The following SMNDC1 variants were observed in gnomAD, a reference collection of about 807,000 sequenced individuals.
SMNDC1 encodes the protein survival motor neuron domain containing 1.
SMNDC1 carries 5 observed loss-of-function variants against 29.2 expected under a neutral mutation model. That is an observed-to-expected ratio of 0.17 (90% CI 0.09 to 0.36). The LOEUF (loss-of-function observed/expected upper bound fraction) is 0.36. Among genes scored for constraint, SMNDC1 ranks in the 10% least tolerant of loss-of-function variants. SMNDC1 has a pLI of 1.00. For missense variants in SMNDC1, 142 were observed against 268.5 expected, an observed-to-expected ratio of 0.53 and a Z score of 3.29; for synonymous variants, 80 against 89.9, an observed-to-expected ratio of 0.89 and a Z score of 0.62.
chr10:110,303,265 T>A (rs1310182157), intron 2 of SMNDC1, among the ~76,000 whole-genome samples: 2 of 152,194 alleles, frequency 1.3e-5, no homozygotes, highest in African/African-American at 4.8e-5. Context: ...AAGATTTATA[T>A]AACAAAGAAC....
At position 110,303,556 on chromosome 10, in the gene SMNDC1, C is replaced by T. The variant is rs1424847185; in HGVS notation, c.32G>A (p.Ser11Asn). The change falls in exon 2 of 6, where the codon AGC becomes AAC. Residue 11 changes from serine to asparagine, a missense_variant. Transcript: ENST00000369603. ...AACTTGCTGGAGCTGAGCTTTGTAG[C>T]TTGCCAGCTGCTTTGCTAAATCCTC... MSEDLAKQLA[S>N]YKAQLQQVEA... 1.3e-6 allele frequency: 2 copies of T among 1,583,604 alleles called. No homozygotes were observed. The highest frequency in any genetic ancestry group is 1.7e-6 in the Non-Finnish European group (2 of 1,168,902).
chr10:110,294,512 A>G (rs1010026875), intron 5 of SMNDC1, among the ~76,000 whole-genome samples: 1 of 152,228 alleles, frequency 6.6e-6, no homozygotes, highest in South Asian at 2.1e-4. Context: ...ACTAATACTC[A>G]TAACACTTGC....
Position 110,293,147 on chromosome 10 carries a change from G to A in SMNDC1, c.*1003C>T, listed in dbSNP as rs866945037. Reference sequence around the variant, plus strand: ...CATTAATAGGAAGACCCTTTTCTATGCATGTATTTGGCTTAAACTCAACTC... The same window carrying A: ...CATTAATAGGAAGACCCTTTTCTATACATGTATTTGGCTTAAACTCAACTC... On this transcript the variant is annotated 3_prime_UTR_variant, in exon 6 of 6. Transcript: ENST00000369603. 5 of 152,552 alleles carry A rather than the reference G, an allele frequency of 3.3e-5. No individual in the cohort carries two copies. Among genetic ancestry groups the A allele is most frequent in the African/African-American group, 1.2e-4 (5 of 41,426 alleles). 9.4% of individuals were successfully genotyped at this position (152,552 alleles called of 1,614,324 possible).
chr10:110,298,400 A>G (rs1362331324), intron 3 of SMNDC1, among the ~76,000 whole-genome samples: 1 of 152,212 alleles, frequency 6.6e-6, no homozygotes, highest in East Asian at 1.9e-4. Context: ...ATTATTTTAG[A>G]AAACACCCAT....
At chr10:110,300,276 T>C (rs1181124747) in intron 2 of SMNDC1, among the ~76,000 whole-genome samples, 1 of 152,218 alleles carries the variant, frequency 6.6e-6, no homozygotes, top group Non-Finnish European at 1.5e-5. Flanking sequence ...GTTTTCCAAA[T>C]ATATTTTGTT....
In SMNDC1 at chr10:110,298,028, G is replaced by A. The variant is rs530259571; in HGVS notation, c.264-300C>T. On this transcript the variant is annotated intron_variant, in intron 3 of 5. Coordinates refer to ENST00000369603, the MANE Select transcript of SMNDC1 (RefSeq NM_005871.4). ...TTTTTTGCGACAGAGTCTCACTGTC[G>A]CCCAGGCTGGAGTGCAGTAGTGCAA... Among the ~76,000 whole-genome samples, 20 of 152,136 alleles carry A rather than the reference G, an allele frequency of 1.3e-4. No homozygotes were observed. The South Asian group carries it at 3.5e-3, about 27-fold the overall frequency.
rs534840430 is a variant in SMNDC1, at chr10:110,291,113, C to T, written c.*3037G>A. On this transcript the variant is annotated 3_prime_UTR_variant, in exon 6 of 6. Transcript: ENST00000369603. ...TTGACGCCTAGTCTTCATGATTAGGCTAAAAGGTAATTTTTCTTCATTTCC... is the reference window on the plus strand; with the variant it reads ...TTGACGCCTAGTCTTCATGATTAGGTTAAAAGGTAATTTTTCTTCATTTCC... 6.6e-6 allele frequency: 1 copy of T among 152,268 alleles called. No homozygotes were observed. Among genetic ancestry groups the T allele is most frequent in the East Asian group, 1.9e-4 (1 of 5,184 alleles). 9.4% of individuals were successfully genotyped at this position (152,268 alleles called of 1,614,324 possible).
rs778160258 is a variant in SMNDC1, at chr10:110,295,384, G to T, written c.426-3C>A. Reference sequence around the variant, plus strand: ...GCTGCTGGGCAATCATTTCTTTTCTGCATGAAAAAAAGTTAAATGTCAACT... The same window carrying T: ...GCTGCTGGGCAATCATTTCTTTTCTTCATGAAAAAAAGTTAAATGTCAACT... On this transcript the variant is annotated splice_region_variant and splice_polypyrimidine_tract_variant and intron_variant, in intron 4 of 5. Transcript: ENST00000369603. 3 of 1,573,778 alleles carry T rather than the reference G, an allele frequency of 1.9e-6. No individual in the cohort carries two copies. The highest frequency in any genetic ancestry group is 2.6e-6 in the Non-Finnish European group (3 of 1,167,772).
rs1414203283 is a variant in SMNDC1 at position 110,291,706 on chromosome 10, TAAAC to T, written c.*2440_*2443del. Reference sequence around the variant, plus strand: ...GGAATACACAGGTAATAAATGGTAATAAACAAACACTAGTCTGGCTCTAGAGTCC... The same window carrying T: ...GGAATACACAGGTAATAAATGGTAATAAACACTAGTCTGGCTCTAGAGTCC... On this transcript the variant is annotated 3_prime_UTR_variant, in exon 6 of 6. Coordinates refer to ENST00000369603, the MANE Select transcript of SMNDC1 (RefSeq NM_005871.4). 3.3e-5 allele frequency: 5 copies of T among 152,172 alleles called. No individual in the cohort carries two copies. Among genetic ancestry groups the T allele is most frequent in the African/African-American group, 7.2e-5 (3 of 41,436 alleles). The allele number at this position is 152,172 out of a possible 1,614,324, so 9.4% of individuals were successfully genotyped here.
At position 110,293,385 on chromosome 10, in the gene SMNDC1, T is replaced by C. The variant is rs138845821; in HGVS notation, c.*765A>G. The C allele has an allele frequency of 8.6e-4, 132 of 152,790 alleles. No homozygotes were observed. The highest frequency in any genetic ancestry group is 3.2e-3 in the African/African-American group (132 of 41,590). The allele number at this position is 152,790 out of a possible 1,614,324, so 9.5% of individuals were successfully genotyped here. A position where few individuals can be genotyped will look rare whatever the true frequency, so the allele number is the denominator to read the frequency against. On this transcript the variant is annotated 3_prime_UTR_variant, in exon 6 of 6. Transcript: ENST00000369603. The stretch of plus-strand genomic sequence containing the variant: ...TTTTACAAAAATAGTATCTACACTG[T>C]ATACAGGGCTATACATCAGCTTTTT...
chr10:110,300,943 T>C (rs947088436), intron 2 of SMNDC1, among the ~76,000 whole-genome samples: 2 of 152,348 alleles, frequency 1.3e-5, no homozygotes, highest in Admixed American at 1.3e-4. Context: ...GCCTGCTGAA[T>C]AACTTTAGTC....
rs1336348914 is a variant in SMNDC1 at position 110,304,736 on chromosome 10, G to C, written c.-1+12C>G. 2 of 152,538 alleles carry C rather than the reference G, an allele frequency of 1.3e-5. No individual in the cohort carries two copies. Among genetic ancestry groups the C allele is most frequent in the East Asian group, 1.9e-4 (1 of 5,212 alleles). 9.4% of individuals were successfully genotyped at this position (152,538 alleles called of 1,614,324 possible). On this transcript the variant is annotated intron_variant, in intron 1 of 5. Coordinates refer to ENST00000369603, the MANE Select transcript of SMNDC1 (RefSeq NM_005871.4). ...GGCCAGGCCTTACTCTCTCCCTCAG[G>C]GGGGTTGTTACCTTGTGTGGGGCTG... is the stretch of plus-strand genomic sequence containing the variant.
chr10:110,294,775 G>GA (rs1857542088), intron 5 of SMNDC1, among the ~76,000 whole-genome samples: 1 of 152,232 alleles, frequency 6.6e-6, no homozygotes, highest in African/African-American at 2.4e-5. Context: ...ACACATGGGT[G>GA]AAAGTCAGGT....
chr10:110,297,795 T>G (rs1014267491), intron 3 of SMNDC1, 67 bp from the exon 4 acceptor site: 1 of 1,348,406 alleles, frequency 7.4e-7, no homozygotes, highest in Admixed American at 2.5e-5. Flanking sequence ...AGACTTATAC[T>G]GTAGTGATAA....
At chr10:110,299,361 A>G (rs1206325864) in intron 2 of SMNDC1, among the ~76,000 whole-genome samples, 1 of 152,252 alleles carries the variant, frequency 6.6e-6, no homozygotes, top group Non-Finnish European at 1.5e-5. Context: ...CATCTGGGTA[A>G]GCAAATTACC....
chr10:110,304,732 T>G lies in SMNDC1; in HGVS notation c.-1+16A>C, dbSNP rs1857718668. 6.6e-6 allele frequency: 1 copy of G among 150,862 alleles called. No homozygotes were observed. The highest frequency in any genetic ancestry group is 2.1e-4 in the South Asian group (1 of 4,812). The allele number at this position is 150,862 out of a possible 1,614,324, so 9.3% of individuals were successfully genotyped here. On this transcript the variant is annotated intron_variant, in intron 1 of 5. Transcript: ENST00000369603. ...GCCCGGCCAGGCCTTACTCTCTCCC[T>G]CAGGGGGGTTGTTACCTTGTGTGGG...
At chr10:110,300,239 G>A (rs1020167718) in intron 2 of SMNDC1, among the ~76,000 whole-genome samples, 10 of 152,134 alleles carry the variant, frequency 6.6e-5, no homozygotes, top group African/African-American at 2.4e-4. Flanking sequence ...TTCAGATTTA[G>A]AACTCTATTT....
chr10:110,303,376 G>A, intron 2 of SMNDC1, 92 bp downstream of exon 2: 1 of 1,147,612 alleles, frequency 8.7e-7, no homozygotes, highest in Non-Finnish European at 1.2e-6. Context: ...ATAGGGTGGG[G>A]TGTAACCCCT....
At chr10:110,294,952 T>C (rs1857545149) in intron 5 of SMNDC1, among the ~76,000 whole-genome samples, 1 of 152,236 alleles carries the variant, frequency 6.6e-6, no homozygotes, top group South Asian at 2.1e-4. Context: ...ACACTGCCTC[T>C]AAGTAGCAAC....
Sources: gnomAD v4.1 joint callset for allele counts (sites outside exome capture counted in the v4.1 genomes callset) on GRCh38, gnomAD v4.1.1 for gene constraint, MANE v1.5 for transcripts, NCBI Gene and HGNC (gene_info 2026-07-23, HGNC 2026-07-21) for gene names.